SPTBN1: variants seen among roughly 807,000 people sequenced by gnomAD.
SPTBN1 encodes spectrin beta, non-erythrocytic 1, also known as spectrin beta chain, non-erythrocytic 1.
A neutral mutation model predicts 266.4 loss-of-function variants in SPTBN1; 32 were observed. The ratio of observed to expected loss-of-function variants is 0.12; its 90% CI spans 0.09 to 0.16. The LOEUF (loss-of-function observed/expected upper bound fraction) is 0.16, where lower values mean the gene tolerates loss of function less well. SPTBN1 is among the 10% of genes least tolerant of loss of function. SPTBN1 has a pLI of 1.00. For missense variants in SPTBN1, 2,296 were observed against 3,067.1 expected (o/e 0.75, Z 5.94); for synonymous variants, 1,336 against 1,162.2 (o/e 1.15, Z -3.04).
chr2:54,459,192 G>T (rs1453635469), intron 1 of SPTBN1, among the ~76,000 whole-genome samples: 3 of 152,214 alleles, frequency 2.0e-5, no homozygotes, highest in Admixed American at 6.5e-5. Context: ...GTCATTACTG[G>T]AGTGACCAAA....
chr2:54,645,339 C>T lies in SPTBN1; in HGVS notation c.4380C>T (p.Arg1460=), dbSNP rs375143181. Residue 1460 remains arginine, a synonymous_variant, in exon 21 of 36, where the codon CGC becomes CGT. Transcript: ENST00000356805. The surrounding 1 kb of genome is among the most constrained non-coding windows in gnomAD (Gnocchi z 4.3). ...GCACCGACGAGGTAGACAGCAAGCGCCTCACCGTGCAGACCAAGTTCATGG... is the reference window on the plus strand; with the variant it reads ...GCACCGACGAGGTAGACAGCAAGCGTCTCACCGTGCAGACCAAGTTCATGG... ...GKSTDEVDSK[R]LTVQTKFMEL... The T allele has an allele frequency of 3.7e-6, 6 of 1,614,084 alleles. No individual in the cohort carries two copies. In the African/African-American group the frequency reaches 8.0e-5, roughly 22 times the overall value.
At chr2:54,642,958 C>G in intron 18 of SPTBN1, 25 bp from the exon 19 acceptor site, 1 of 1,603,466 alleles carries the variant, frequency 6.2e-7, no homozygotes, top group East Asian at 2.2e-5. Flanking sequence ...ATCACAATCT[C>G]TGAATCCTTC....
intron 1 of SPTBN1, among the ~76,000 whole-genome samples, chr2:54,491,715 G>T (rs918370962): frequency 7.2e-5 from 11 of 151,944 alleles, no homozygotes; most frequent in Non-Finnish European, 1.5e-5. Flanking sequence ...TCAGCCTCTT[G>T]GTGTGGCTGG....
chr2:54,485,000 A>C (rs572410387), intron 1 of SPTBN1, among the ~76,000 whole-genome samples: 1 of 152,266 alleles, frequency 6.6e-6, no homozygotes, highest in Non-Finnish European at 1.5e-5. Flanking sequence ...TTAAATGTTT[A>C]TGAAAGACAG....
intron 1 of SPTBN1, among the ~76,000 whole-genome samples, chr2:54,507,774 C>T (rs1255265074): frequency 3.4e-5 from 5 of 147,842 alleles, no homozygotes; most frequent in Non-Finnish European, 5.9e-5. Context: ...GTAAAAATAG[C>T]ACTCTTCATT....
intron 2 of SPTBN1, among the ~76,000 whole-genome samples, chr2:54,584,154 T>C (rs2104588039): frequency 6.6e-6 from 1 of 152,346 alleles, no homozygotes; most frequent in Non-Finnish European, 1.5e-5. Context: ...TATAAGGGAC[T>C]CTTGCATTCA....
At chr2:54,473,573 T>G (rs553717013) in intron 1 of SPTBN1, among the ~76,000 whole-genome samples, 1 of 152,228 alleles carries the variant, frequency 6.6e-6, no homozygotes, top group South Asian at 2.1e-4. Flanking sequence ...TAAATTGTAT[T>G]GAGGAGAGGT....
At position 54,618,070 on chromosome 2, in the gene SPTBN1, C is replaced by G. The variant is rs373193541; in HGVS notation, c.648-8C>G. The G allele has an allele frequency of 3.1e-6, 5 of 1,607,600 alleles. No homozygotes were observed. The highest frequency in any genetic ancestry group is 4.3e-6 in the Non-Finnish European group (5 of 1,176,128). On this transcript the variant is annotated splice_polypyrimidine_tract_variant and splice_region_variant and intron_variant, in intron 6 of 35. Transcript: ENST00000356805. ...ATTTTTGTTGTGTCCCACTGTTGTT[C>G]TGCACAGGCCTGACCTGATAGATTT...
chr2:54,622,283 C>G lies in SPTBN1; in HGVS notation c.877-17C>G, dbSNP rs376621339. On this transcript the variant is annotated splice_polypyrimidine_tract_variant and intron_variant, in intron 8 of 35. Coordinates refer to ENST00000356805, the MANE Select transcript of SPTBN1 (RefSeq NM_003128.3). ...GAGTGACATGATCTTTTCAATTTTT[C>G]TATCCCTTGTTGCCAGGTGCTTGAC... is the stretch of plus-strand genomic sequence containing the variant. The G allele has an allele frequency of 8.2e-6, 13 of 1,588,272 alleles. No homozygotes were observed. The highest frequency in any genetic ancestry group is 1.7e-4 in the Middle Eastern group (1 of 5,934).
intron 1 of SPTBN1, among the ~76,000 whole-genome samples, chr2:54,466,178 A>G (rs1693621604): frequency 6.6e-6 from 1 of 152,200 alleles, no homozygotes; most frequent in Non-Finnish European, 1.5e-5. Context: ...CTGATTTTTA[A>G]TATACAAATT....
At chr2:54,548,425 A>G (rs1272787352) in intron 2 of SPTBN1, among the ~76,000 whole-genome samples, 1 of 152,164 alleles carries the variant, frequency 6.6e-6, no homozygotes, top group Non-Finnish European at 1.5e-5. Context: ...CAGAGAACAT[A>G]AACAGATATC....
chr2:54,524,551 G>A (rs900275431), intron 1 of SPTBN1, among the ~76,000 whole-genome samples: 23 of 152,016 alleles, frequency 1.5e-4, no homozygotes, highest in Non-Finnish European at 2.6e-4. Flanking sequence ...GAGCTGCACC[G>A]CCATCATTTC....
chr2:54,647,228 G>C lies in SPTBN1; in HGVS notation c.4964G>C (p.Ser1655Thr). 1 of 1,614,054 alleles carries C rather than the reference G, an allele frequency of 6.2e-7. No homozygotes were observed. The highest frequency in any genetic ancestry group is 2.2e-5 in the East Asian group (1 of 44,880). The change falls in exon 24 of 36, where the codon AGC (serine) becomes ACC (threonine). Residue 1655 changes from serine (S) to threonine (T), a missense_variant. Transcript: ENST00000356805. The part of the protein sequence containing the change: ...AETVHQLSKT[S>T]RALVADSHPE... ...ACCGTGCATCAGCTCTCCAAGACCAGCCGGGCCCTGGTGGCCGACAGCCAT... is the reference window on the plus strand; with the variant it reads ...ACCGTGCATCAGCTCTCCAAGACCACCCGGGCCCTGGTGGCCGACAGCCAT...
intron 1 of SPTBN1, among the ~76,000 whole-genome samples, chr2:54,513,637 C>G (rs1267257387): frequency 2.0e-5 from 3 of 152,138 alleles, no homozygotes; most frequent in Non-Finnish European, 4.4e-5. Flanking sequence ...TGGCTAGAAA[C>G]CCCACATTAG....
intron 1 of SPTBN1, among the ~76,000 whole-genome samples, chr2:54,470,380 A>C (rs971986410): frequency 6.6e-6 from 1 of 152,224 alleles, no homozygotes; most frequent in Non-Finnish European, 1.5e-5. Context: ...AAATAAACCT[A>C]TCTTTAGTGA....
chr2:54,545,963 G>T (rs1221045929), intron 2 of SPTBN1, among the ~76,000 whole-genome samples: 1 of 152,134 alleles, frequency 6.6e-6, no homozygotes, highest in East Asian at 1.9e-4. Context: ...TCCTTCTACA[G>T]GAAATAATGC....
Position 54,629,878 on chromosome 2 carries a change from A to C in SPTBN1, c.2670-14A>C. 6.2e-7 allele frequency: 1 copy of C among 1,613,980 alleles called. No homozygotes were observed. ...GGCCCAGGAGGTGACCACCCTGTCA[A>C]ATTGCCATTTCAGATTTGAGAGCCT... On this transcript the variant is annotated splice_polypyrimidine_tract_variant and intron_variant, in intron 14 of 35. Transcript: ENST00000356805.
chr2:54,567,908 A>G (rs1475073303), intron 2 of SPTBN1, among the ~76,000 whole-genome samples: 1 of 152,222 alleles, frequency 6.6e-6, no homozygotes, highest in Non-Finnish European at 1.5e-5. Flanking sequence ...TAGAAACGAC[A>G]TAACCTCCTA....
intron 1 of SPTBN1, among the ~76,000 whole-genome samples, chr2:54,495,570 GCCTTTAATC>G (rs1668922960): frequency 6.6e-6 from 1 of 151,914 alleles, no homozygotes; most frequent in African/African-American, 2.4e-5. Flanking sequence ...AATTTAAATT[GCCTTTAATC>G]CCACCACCCA....
Sources: gnomAD v4.1 joint callset for allele counts (sites outside exome capture counted in the v4.1 genomes callset) on GRCh38, gnomAD v4.1.1 for gene constraint, Gnocchi (gnomAD v3.1) non-coding constraint, MANE v1.5 for transcripts, NCBI Gene and HGNC (gene_info 2026-07-23, HGNC 2026-07-21) for gene names.